VEPH1: variants seen among roughly 807,000 people sequenced by gnomAD.
VEPH1 encodes the protein ventricular zone-expressed PH domain-containing protein homolog 1.
A neutral mutation model predicts 85.2 loss-of-function variants in VEPH1; 80 were observed. The ratio of observed to expected loss-of-function variants is 0.94; its 90% CI spans 0.78 to 1.13. The LOEUF is 1.13. Ranked by LOEUF, VEPH1 falls within the 50% of genes most tolerant of loss-of-function variation. The pLI, the probability that VEPH1 is intolerant of heterozygous loss-of-function variation, is 0.00. For missense variants in VEPH1, 955 were observed against 980.5 expected (o/e 0.97, Z 0.35); for synonymous variants, 297 against 348.0 (o/e 0.85, Z 1.63).
intron 12 of VEPH1, among the ~76,000 whole-genome samples, chr3:157,266,034 G>T (rs1369820701): frequency 6.8e-6 from 1 of 147,510 alleles, no homozygotes; most frequent in African/African-American, 2.5e-5. Flanking sequence ...TGAAATGTTG[G>T]CACAAAGTAT....
In VEPH1 at chr3:157,413,932, G is replaced by T; in HGVS notation, c.855C>A (p.Tyr285Ter). Residue 285 changes from tyrosine to a stop codon, truncating the protein, a stop_gained, in exon 6 of 14, where the codon TAC (tyrosine) becomes TAA (stop). Coordinates refer to ENST00000362010, the MANE Select transcript of VEPH1 (RefSeq NM_001167912.2). LOFTEE classifies it high-confidence loss of function. The stretch of plus-strand genomic sequence containing the variant: ...AAATCCTTGCCATCTGTCCAGTGAG[G>T]TAGGGGAATCTCTCACCAATCTCTT... ...MLKEIGERFPYLTGQMARIYG... is the reference protein window; with the variant it reads ...MLKEIGERFP 6.2e-7 allele frequency: 1 copy of T among 1,613,692 alleles called. No individual in the cohort carries two copies. The highest frequency in any genetic ancestry group is 8.5e-7 in the Non-Finnish European group (1 of 1,179,736).
At chr3:157,371,050 G>A (rs1399969976) in intron 7 of VEPH1, among the ~76,000 whole-genome samples, 1 of 152,216 alleles carries the variant, frequency 6.6e-6, no homozygotes, top group Non-Finnish European at 1.5e-5. Context: ...AAAACCCTGA[G>A]TGGCTGCTGC....
At chr3:157,381,493 C>T (rs1728768312) in intron 6 of VEPH1, 117 bp from the exon 7 acceptor site, 3 of 989,870 alleles carry the variant, frequency 3.0e-6, no homozygotes, top group East Asian at 5.2e-5. Flanking sequence ...TGGCTTGGAA[C>T]TCCTGATCGA....
intron 11 of VEPH1, among the ~76,000 whole-genome samples, chr3:157,288,687 T>G (rs1717090794): frequency 1.3e-5 from 2 of 152,226 alleles, no homozygotes; most frequent in Admixed American, 1.3e-4. Context: ...GACAGATATT[T>G]TGTCTGTTGT....
intron 11 of VEPH1, among the ~76,000 whole-genome samples, chr3:157,302,642 T>C (rs1196464732): frequency 1.3e-5 from 2 of 152,238 alleles, no homozygotes; most frequent in African/African-American, 4.8e-5. Flanking sequence ...AACATTTTTG[T>C]TGTTTATAAG....
intron 1 of VEPH1, among the ~76,000 whole-genome samples, chr3:157,501,634 C>T (rs1740127811): frequency 6.6e-6 from 1 of 152,282 alleles, no homozygotes; most frequent in East Asian, 1.9e-4. Context: ...AGGACTTAAT[C>T]GCCACACTAT....
intron 2 of VEPH1, among the ~76,000 whole-genome samples, chr3:157,474,490 G>A (rs2109508954): frequency 6.6e-6 from 1 of 152,178 alleles, no homozygotes; most frequent in East Asian, 1.9e-4. Context: ...GTGAGTGGTT[G>A]TTAACTCTCT....
chr3:157,434,912 T>G (rs897603640), intron 4 of VEPH1, among the ~76,000 whole-genome samples: 1 of 152,202 alleles, frequency 6.6e-6, no homozygotes, highest in African/African-American at 2.4e-5. Context: ...TTCGTCCTCC[T>G]GAACAATGAA....
At chr3:157,472,519 T>A (rs1022926668) in intron 2 of VEPH1, among the ~76,000 whole-genome samples, 1 of 152,330 alleles carries the variant, frequency 6.6e-6, no homozygotes. Flanking sequence ...TCAGAATTTT[T>A]TTTTAACTTT....
chr3:157,269,126 C>T (rs1714154363), intron 12 of VEPH1, among the ~76,000 whole-genome samples: 1 of 152,144 alleles, frequency 6.6e-6, no homozygotes, highest in East Asian at 1.9e-4. Context: ...TATTTAAGTA[C>T]ATGGATCCTT....
At chr3:157,325,310 G>A (rs1721777724) in intron 9 of VEPH1, among the ~76,000 whole-genome samples, 1 of 152,172 alleles carries the variant, frequency 6.6e-6, no homozygotes, top group Non-Finnish European at 1.5e-5. Flanking sequence ...TGTGATGATA[G>A]TTTCTTTTAC....
At chr3:157,329,015 G>A (rs10513508) in intron 9 of VEPH1, among the ~76,000 whole-genome samples, 33,764 of 152,164 alleles carry the variant, frequency 0.22, 4,552 homozygotes, top group Admixed American at 0.4. Flanking sequence ...GTTATACTCT[G>A]CAGCTTACAT....
chr3:157,327,233 A>G (rs374457033), intron 9 of VEPH1, among the ~76,000 whole-genome samples: 1 of 152,336 alleles, frequency 6.6e-6, no homozygotes. Context: ...AGGGAGCAGG[A>G]GCCACTTCCT....
rs538532259 is a variant in VEPH1 at position 157,488,291 on chromosome 3, C to G, written c.138+6921G>C. 6.6e-5 allele frequency among the ~76,000 whole-genome samples: 10 copies of G among 152,174 alleles called. No individual in the cohort carries two copies. In the South Asian group the frequency reaches 2.1e-3, roughly 32 times the overall value. On this transcript the variant is annotated intron_variant, in intron 2 of 13. Transcript: ENST00000362010. ...TCTTCCCACCATCTGAAACTAACTC[C>G]AATCTGGCTTTCAGTCTGACCCATC... is the stretch of plus-strand genomic sequence containing the variant.
At chr3:157,280,214 C>T (rs17388582) in intron 12 of VEPH1, among the ~76,000 whole-genome samples, 5,625 of 152,020 alleles carry the variant, frequency 0.037, 147 homozygotes, top group South Asian at 0.11. Context: ...TTCTTGAAAT[C>T]AATGTCATCT....
intron 4 of VEPH1, among the ~76,000 whole-genome samples, chr3:157,430,405 T>C (rs1221103709): frequency 6.6e-6 from 1 of 152,234 alleles, no homozygotes; most frequent in Admixed American, 6.5e-5. Flanking sequence ...CTCTCCTTCA[T>C]TTACTCTCAC....
intron 11 of VEPH1, among the ~76,000 whole-genome samples, chr3:157,312,298 G>T (rs907173073): frequency 4.6e-5 from 7 of 152,152 alleles, no homozygotes; most frequent in African/African-American, 1.7e-4. Context: ...TTTGGGAAGG[G>T]CTAAAAGAGA....
intron 7 of VEPH1, among the ~76,000 whole-genome samples, chr3:157,373,645 G>T (rs191735596): frequency 6.6e-6 from 1 of 152,108 alleles, no homozygotes; most frequent in Non-Finnish European, 1.5e-5. Flanking sequence ...GGTTGTAGAG[G>T]GTCAAGGTCC....
At chr3:157,497,387 G>C (rs1739751230) in intron 1 of VEPH1, among the ~76,000 whole-genome samples, 1 of 152,156 alleles carries the variant, frequency 6.6e-6, no homozygotes, top group Admixed American at 6.5e-5. Flanking sequence ...GGGAGGTGGA[G>C]CACAGTGAGG....
Sources: gnomAD v4.1 joint callset for allele counts (sites outside exome capture counted in the v4.1 genomes callset) on GRCh38, gnomAD v4.1.1 for gene constraint, MANE v1.5 for transcripts, NCBI Gene and HGNC (gene_info 2026-07-23, HGNC 2026-07-21) for gene names.